The following PRR16 variants were observed in gnomAD, a reference collection of about 807,000 sequenced individuals.
PRR16 encodes the protein protein Largen.
Under a neutral mutation model 18.2 loss-of-function variants are expected in PRR16, and 6 were observed. That is an observed-to-expected ratio of 0.33 (90% confidence interval 0.18 to 0.65). The LOEUF (loss-of-function observed/expected upper bound fraction) is 0.65. Among genes scored for constraint, PRR16 ranks in the 30% least tolerant of loss-of-function variants. The pLI is 0.74. For missense variants in PRR16, 412 were observed against 376.6 expected (o/e 1.09, Z -0.78); for synonymous variants, 151 against 147.8 (o/e 1.02, Z -0.16).
chr5:120,636,942 A>C (rs2112849203), intron 1 of PRR16, among the ~76,000 whole-genome samples: 1 of 152,262 alleles, frequency 6.6e-6, no homozygotes, highest in South Asian at 2.1e-4. Flanking sequence ...ACAAATTGCA[A>C]GAAAAAAATC....
chr5:120,670,427 T>A (rs1352060520), intron 1 of PRR16, among the ~76,000 whole-genome samples: 6 of 152,140 alleles, frequency 3.9e-5, no homozygotes, highest in Admixed American at 3.9e-4. Context: ...ATATTTATGA[T>A]GTAGACTTTC....
intron 1 of PRR16, among the ~76,000 whole-genome samples, chr5:120,643,514 C>A (rs1410996412): frequency 6.6e-6 from 1 of 152,082 alleles, no homozygotes; most frequent in Non-Finnish European, 1.5e-5. Context: ...CAAAATGCTA[C>A]AAATCCTTAG....
the PRR16 span, among the ~76,000 whole-genome samples, chr5:120,727,648 A>G: frequency 1.3e-5 from 2 of 152,128 alleles, no homozygotes; most frequent in African/African-American, 2.4e-5. Context: ...TGGATTTAAC[A>G]AACAATGTGG....
chr5:120,584,574 A>G (rs575485278), intron 1 of PRR16, among the ~76,000 whole-genome samples: 2 of 152,186 alleles, frequency 1.3e-5, no homozygotes, highest in Non-Finnish European at 2.9e-5. Context: ...TCTGTTCCCC[A>G]GGCATTTTCT....
chr5:120,685,956 G>C lies in PRR16; in HGVS notation c.162G>C (p.Val54=). Residue 54 remains valine (V), a splice_region_variant and synonymous_variant, in exon 2 of 2, where the codon GTG becomes GTC. Transcript: ENST00000407149. ...LKDVAKELKE[V]VDQIDTLTSD... ...AATTACCTTGTCCTTTCCACTAGGT[G>C]GTTGACCAGATTGACACCCTGACCT... The C allele has an allele frequency of 6.2e-7, 1 of 1,611,960 alleles. No individual in the cohort carries two copies. The highest frequency in any genetic ancestry group is 1.3e-5 in the African/African-American group (1 of 75,006).
the PRR16 span, among the ~76,000 whole-genome samples, chr5:120,745,856 G>A: frequency 7.7e-6 from 1 of 130,264 alleles, no homozygotes; most frequent in Non-Finnish European, 1.6e-5. Context: ...CCGCCACCAC[G>A]CCCGGGTAAT....
At chr5:120,499,405 G>A (rs1750372791) in intron 1 of PRR16, among the ~76,000 whole-genome samples, 1 of 151,896 alleles carries the variant, frequency 6.6e-6, no homozygotes, top group Non-Finnish European at 1.5e-5. Context: ...TTTGATTATG[G>A]TCCATGGATT....
chr5:120,485,974 T>C (rs1223419002), intron 1 of PRR16, among the ~76,000 whole-genome samples: 2 of 152,194 alleles, frequency 1.3e-5, no homozygotes, highest in Non-Finnish European at 2.9e-5. Context: ...ACAAAGGACA[T>C]GAACTCATCA....
At chr5:120,675,069 A>T (rs533990085) in intron 1 of PRR16, among the ~76,000 whole-genome samples, 1 of 152,088 alleles carries the variant, frequency 6.6e-6, no homozygotes, top group Non-Finnish European at 1.5e-5. Context: ...ACATTGATCA[A>T]TTCATTCATT....
chr5:120,724,940 A>T, the PRR16 span, among the ~76,000 whole-genome samples: 1 of 152,100 alleles, frequency 6.6e-6, no homozygotes, highest in Non-Finnish European at 1.5e-5. Context: ...TATATAGTAT[A>T]ATTTCAGTAG....
rs1561533140 is a variant in PRR16, at chr5:120,530,278, TATA to T, written c.159+65634_159+65636del. Among the ~76,000 whole-genome samples, 202 of 106,092 alleles carry T rather than the reference TATA, an allele frequency of 1.9e-3. 1 individual carries two copies. The highest frequency in any genetic ancestry group is 3.8e-3 in the Admixed American group (43 of 11,238). 69.6% of individuals were successfully genotyped at this position (106,092 alleles called of 152,430 possible). A position where few individuals can be genotyped will look rare whatever the true frequency, so the allele number is the denominator to read the frequency against. On this transcript the variant is annotated intron_variant, in intron 1 of 1. Transcript: ENST00000407149. ...AAATATATATATATATATATATATATATATATTTATTTATTTATTTATTTATTT... is the reference window on the plus strand; with the variant it reads ...AAATATATATATATATATATATATATTATTTATTTATTTATTTATTTATTT...
the PRR16 span, among the ~76,000 whole-genome samples, chr5:120,701,241 C>A: frequency 1.3e-5 from 2 of 151,904 alleles, no homozygotes; most frequent in Non-Finnish European, 2.9e-5. Context: ...GGTTTGAGGG[C>A]CAGAATTTAA....
intron 1 of PRR16, among the ~76,000 whole-genome samples, chr5:120,648,233 C>T (rs1755660465): frequency 6.6e-6 from 1 of 152,052 alleles, no homozygotes; most frequent in Non-Finnish European, 1.5e-5. Flanking sequence ...TAGTTATATG[C>T]TATAAATAAC....
chr5:120,665,551 G>C (rs1338413455), intron 1 of PRR16, among the ~76,000 whole-genome samples: 1 of 152,132 alleles, frequency 6.6e-6, no homozygotes, highest in Non-Finnish European at 1.5e-5. Context: ...GTCCTGAATG[G>C]TATTGCCTAG....
intron 1 of PRR16, among the ~76,000 whole-genome samples, chr5:120,505,865 C>A (rs1000454576): frequency 6.6e-6 from 1 of 151,442 alleles, no homozygotes; most frequent in African/African-American, 2.4e-5. Context: ...TATATACACA[C>A]ACGCGTATAC....
intron 1 of PRR16, among the ~76,000 whole-genome samples, chr5:120,625,712 G>A (rs1754840448): frequency 6.6e-6 from 1 of 152,126 alleles, no homozygotes; most frequent in Non-Finnish European, 1.5e-5. Context: ...TGTTAATCAA[G>A]AGTGAGGTTT....
intron 1 of PRR16, among the ~76,000 whole-genome samples, chr5:120,499,876 G>A (rs1225144967): frequency 6.6e-6 from 1 of 151,534 alleles, no homozygotes; most frequent in East Asian, 1.9e-4. Context: ...CTCGGAAGGT[G>A]GTGTAACATG....
intron 1 of PRR16, among the ~76,000 whole-genome samples, chr5:120,559,272 T>C (rs1164338911): frequency 1.3e-5 from 2 of 152,008 alleles, no homozygotes; most frequent in Non-Finnish European, 2.9e-5. Context: ...AGTAGTTTTA[T>C]AGTTTGAAGT....
chr5:120,696,761 G>C, the PRR16 span, among the ~76,000 whole-genome samples: 1 of 152,068 alleles, frequency 6.6e-6, no homozygotes, highest in Non-Finnish European at 1.5e-5. Context: ...GAGAGGAAGT[G>C]AAAAATAAAC....
Sources: gnomAD v4.1 joint callset for allele counts (sites outside exome capture counted in the v4.1 genomes callset) on GRCh38, gnomAD v4.1.1 for gene constraint, MANE v1.5 for transcripts, NCBI Gene and HGNC (gene_info 2026-07-23, HGNC 2026-07-21) for gene names.